SOCS5: variants seen among roughly 807,000 people sequenced by gnomAD.
The protein encoded by SOCS5 is suppressor of cytokine signaling 5.
SOCS5 carries 32 observed loss-of-function variants against 42.8 expected under a neutral mutation model. The observed-to-expected ratio is 0.75, with a 90% CI of 0.56 to 1.01. The LOEUF is 1.01. Ranked by LOEUF, SOCS5 falls within the 50% of genes least tolerant of loss-of-function variation. The pLI is 0.00. For synonymous variants in SOCS5, 283 were observed against 229.6 expected, an observed-to-expected ratio of 1.23 and a Z score of -2.10; for missense variants, 627 against 653.0, an observed-to-expected ratio of 0.96 and a Z score of 0.43.
intron 1 of SOCS5, among the ~76,000 whole-genome samples, chr2:46,717,347 T>G (rs1258870945): frequency 6.6e-6 from 1 of 152,148 alleles, no homozygotes; most frequent in Non-Finnish European, 1.5e-5. Context: ...GGGATCATGT[T>G]TTCATATTGC....
At chr2:46,741,281 T>C (rs1376938443) in intron 1 of SOCS5, among the ~76,000 whole-genome samples, 1 of 152,180 alleles carries the variant, frequency 6.6e-6, no homozygotes, top group Non-Finnish European at 1.5e-5. Flanking sequence ...GCTCTACCAC[T>C]CAGGCTGGAG....
intron 1 of SOCS5, among the ~76,000 whole-genome samples, chr2:46,747,525 T>A (rs188780161): frequency 6.6e-6 from 1 of 152,302 alleles, no homozygotes; most frequent in East Asian, 1.9e-4. Context: ...TAGTCTCTTT[T>A]AAATCTGTTT....
intron 1 of SOCS5, among the ~76,000 whole-genome samples, chr2:46,715,454 T>TAGATCATATTTTAGATCTTTTTA (rs1410051659): frequency 6.6e-6 from 1 of 152,182 alleles, no homozygotes; most frequent in Non-Finnish European, 1.5e-5. Flanking sequence ...TTTATTTCTT[T>TAGATCATATTTTAGATCTTTTTA]GTATCCATCC....
At position 46,759,856 on chromosome 2, in the gene SOCS5, T is replaced by G. The variant is rs997071815; in HGVS notation, c.1326T>G (p.His442Gln). The G allele has an allele frequency of 3.1e-6, 5 of 1,614,074 alleles. No individual in the cohort carries two copies. The African/African-American group carries it at 5.3e-5, about 17-fold the overall frequency. ...QWNHNFSFDA[H>Q]DPCVFHSSTV... ...ATCACAACTTTAGTTTCGACGCCCA[T>G]GACCCGTGTGTATTTCACTCCTCCA... Residue 442 changes from histidine (H) to glutamine (Q), a missense_variant, in exon 2 of 2, where the codon CAT (histidine) becomes CAG (glutamine). His to Gln is a conservative substitution (Grantham distance 24, BLOSUM62 0). Around this residue, in one of 3 missense-constraint regions of SOCS5, gnomAD observed 340 missense variants for 367.6 expected, o/e 0.92. Transcript: ENST00000394861.
Position 46,759,708 on chromosome 2 carries a change from C to G in SOCS5, c.1178C>G (p.Ala393Gly), listed in dbSNP as rs1673817229. Reference sequence around the variant, plus strand: ...GTGATGGACCGTTATGAAGCAGAAGCCCTTCTCGAAGGGAAACCTGAAGGC... The same window carrying G: ...GTGATGGACCGTTATGAAGCAGAAGGCCTTCTCGAAGGGAAACCTGAAGGC... ...WGVMDRYEAE[A>G]LLEGKPEGTF... The change falls in exon 2 of 2, where the codon GCC becomes GGC. Residue 393 changes from alanine to glycine, a missense_variant. Coordinates refer to ENST00000394861, the MANE Select transcript of SOCS5 (RefSeq NM_144949.3). 1 of 1,614,072 alleles carries G rather than the reference C, an allele frequency of 6.2e-7. No homozygotes were observed.
intron 1 of SOCS5, among the ~76,000 whole-genome samples, chr2:46,702,832 C>T (rs771667141): frequency 4.6e-5 from 7 of 152,168 alleles, no homozygotes; most frequent in Non-Finnish European, 8.8e-5. Context: ...ATCTCAGAAT[C>T]CTTCTTAATG....
At chr2:46,734,657 C>G (rs887489927) in intron 1 of SOCS5, among the ~76,000 whole-genome samples, 4 of 152,176 alleles carry the variant, frequency 2.6e-5, no homozygotes, top group African/African-American at 9.7e-5. Flanking sequence ...ATGTACCCTT[C>G]TCTTACAGAA....
At chr2:46,745,063 C>A (rs1673468896) in intron 1 of SOCS5, among the ~76,000 whole-genome samples, 1 of 151,950 alleles carries the variant, frequency 6.6e-6, no homozygotes, top group Non-Finnish European at 1.5e-5. Context: ...ACCCACTATG[C>A]TTCAAACAAT....
rs141751219 is a variant in SOCS5 at position 46,731,046 on chromosome 2, G to T, written c.-12-27473G>T. On this transcript the variant is annotated intron_variant, in intron 1 of 1. Coordinates refer to ENST00000394861, the MANE Select transcript of SOCS5 (RefSeq NM_144949.3). ...TCGATTTTAAGTCCATTACTCCATT[G>T]TGTCTGCATTAGCAAGATGCGTACC... is the stretch of plus-strand genomic sequence containing the variant. Among the ~76,000 whole-genome samples, 763 of 152,260 alleles carry T rather than the reference G, an allele frequency of 5.0e-3. 6 individuals carry two copies. Among genetic ancestry groups the T allele is most frequent in the Admixed American group, 9.9e-3 (151 of 15,298 alleles).
At chr2:46,726,554 T>A (rs1404724213) in intron 1 of SOCS5, among the ~76,000 whole-genome samples, 1 of 152,180 alleles carries the variant, frequency 6.6e-6, no homozygotes, top group Non-Finnish European at 1.5e-5. Context: ...GTGACACGAA[T>A]GTCAGACCTT....
intron 1 of SOCS5, 59 bp from the exon 2 acceptor site, chr2:46,758,460 C>A: frequency 1.6e-6 from 2 of 1,221,212 alleles, no homozygotes; most frequent in Non-Finnish European, 2.3e-6. Context: ...ACTGCCTTAG[C>A]TACCTTCACA....
intron 1 of SOCS5, among the ~76,000 whole-genome samples, chr2:46,745,795 T>C (rs981860350): frequency 6.6e-6 from 1 of 152,184 alleles, no homozygotes; most frequent in African/African-American, 2.4e-5. Flanking sequence ...TGAAATTTAA[T>C]TTTTTCCTGA....
rs150985908 is a variant in SOCS5 at position 46,726,452 on chromosome 2, G to C, written c.-13+27003G>C. On this transcript the variant is annotated intron_variant, in intron 1 of 1. Transcript: ENST00000394861. Reference sequence around the variant, plus strand: ...GTGCTTCTAGAATCTGATATACACTGTATCTTTTACTAACTTTGTTAAAGT... The same window carrying C: ...GTGCTTCTAGAATCTGATATACACTCTATCTTTTACTAACTTTGTTAAAGT... Among the ~76,000 whole-genome samples the C allele has an allele frequency of 3.0e-3, 456 of 152,174 alleles. 3 individuals carry two copies. Among genetic ancestry groups the C allele is most frequent in the African/African-American group, 0.011 (445 of 41,520 alleles).
chr2:46,730,882 GTT>G (rs1673102341), intron 1 of SOCS5, among the ~76,000 whole-genome samples: 1 of 152,138 alleles, frequency 6.6e-6, no homozygotes, highest in African/African-American at 2.4e-5. Context: ...TCTCTTTTGT[GTT>G]ACATTTTGGG....
intron 1 of SOCS5, among the ~76,000 whole-genome samples, chr2:46,717,730 A>G (rs943133622): frequency 1.3e-5 from 2 of 152,166 alleles, no homozygotes; most frequent in African/African-American, 4.8e-5. Flanking sequence ...TACCTCTAAT[A>G]TAGAGGCATG....
intron 1 of SOCS5, among the ~76,000 whole-genome samples, chr2:46,701,273 G>A (rs774682730): frequency 3.3e-5 from 5 of 152,158 alleles, no homozygotes. Flanking sequence ...TTCTCCTTTT[G>A]TAGAACTAAG....
chr2:46,730,641 T>G (rs1673095131), intron 1 of SOCS5, among the ~76,000 whole-genome samples: 1 of 152,210 alleles, frequency 6.6e-6, no homozygotes, highest in Non-Finnish European at 1.5e-5. Context: ...GGGTCCTATT[T>G]CATACAATTT....
At chr2:46,746,362 A>C (rs1204442323) in intron 1 of SOCS5, among the ~76,000 whole-genome samples, 1 of 152,096 alleles carries the variant, frequency 6.6e-6, no homozygotes, top group African/African-American at 2.4e-5. Context: ...GGAGTATAGA[A>C]ATATTCCATC....
intron 1 of SOCS5, among the ~76,000 whole-genome samples, chr2:46,746,164 A>G (rs572191643): frequency 1.7e-4 from 26 of 152,238 alleles, no homozygotes; most frequent in African/African-American, 6.0e-4. Context: ...TCATCCATGC[A>G]AATGATGAAG....
Sources: gnomAD v4.1 joint callset for allele counts (sites outside exome capture counted in the v4.1 genomes callset) on GRCh38, gnomAD v4.1.1 for gene constraint, gnomAD v4.1.1 regional missense constraint, MANE v1.5 for transcripts, NCBI Gene and HGNC (gene_info 2026-07-23, HGNC 2026-07-21) for gene names.